VMP1: variants seen among roughly 807,000 people sequenced by gnomAD.
The protein encoded by VMP1 is ectopic P-granules autophagy protein 3 homolog.
VMP1 carries 11 observed loss-of-function variants against 56.0 expected under a neutral mutation model. That is an observed-to-expected ratio of 0.20 (90% CI 0.12 to 0.32). The LOEUF is 0.32. Ranked by LOEUF, VMP1 falls within the 10% of genes least tolerant of loss-of-function variation. The pLI is 1.00. For missense variants in VMP1, 296 were observed against 490.3 expected, an observed-to-expected ratio of 0.60 and a Z score of 3.74; for synonymous variants, 149 against 165.0, an observed-to-expected ratio of 0.90 and a Z score of 0.74.
At chr17:59,710,026 T>A (rs369682669) in intron 1 of VMP1, among the ~76,000 whole-genome samples, 3 of 151,972 alleles carry the variant, frequency 2.0e-5, no homozygotes, top group Non-Finnish European at 4.4e-5. Context: ...TGAAACCCTG[T>A]CTCTACTAAA....
At chr17:59,756,111 CT>C (rs1261925012) in intron 5 of VMP1, among the ~76,000 whole-genome samples, 1 of 152,160 alleles carries the variant, frequency 6.6e-6, no homozygotes, top group Non-Finnish European at 1.5e-5. Flanking sequence ...ACTGGTTAAA[CT>C]TGTCAGTGCC....
rs1292037 is a variant in VMP1 at position 59,841,547 on chromosome 17, T to C, written c.*1636T>C. 42,593 of 207,612 alleles carry C rather than the reference T, an allele frequency of 0.21. 5,544 individuals are homozygous for C. Among genetic ancestry groups the C allele is most frequent in the East Asian group, 0.44 (4,220 of 9,526 alleles). The allele number at this position is 207,612 out of a possible 1,614,324, so 12.9% of individuals were successfully genotyped here. A position where few individuals can be genotyped will look rare whatever the true frequency, so the allele number is the denominator to read the frequency against. On this transcript the variant is annotated 3_prime_UTR_variant, in exon 12 of 12. Transcript: ENST00000262291. ...ATAAATAAAGGAAAACTAAGCTGCA[T>C]TGTGGGTTTTGAAAAGGTTATTATA...
intron 7 of VMP1, among the ~76,000 whole-genome samples, chr17:59,807,114 A>G (rs1490875401): frequency 6.6e-6 from 1 of 151,514 alleles, no homozygotes; most frequent in Non-Finnish European, 1.5e-5. Context: ...AGAGAACTAT[A>G]TTTTTCAACT....
chr17:59,797,162 C>G lies in VMP1; in HGVS notation c.715-11634C>G, dbSNP rs564144250. ...GCCTGGCCAGCATGGTGAAACCCCC[C>G]CCCCGTCTCTACTAAAAATACAAAA... On this transcript the variant is annotated intron_variant, in intron 7 of 11. Transcript: ENST00000262291. Among the ~76,000 whole-genome samples the G allele has an allele frequency of 6.6e-5, 10 of 150,520 alleles. No individual in the cohort carries two copies. In the East Asian group the frequency reaches 7.9e-4, roughly 12 times the overall value.
intron 5 of VMP1, among the ~76,000 whole-genome samples, chr17:59,752,992 C>G (rs2035708624): frequency 6.6e-6 from 1 of 152,102 alleles, no homozygotes; most frequent in Non-Finnish European, 1.5e-5. Flanking sequence ...AAGCTTAGGC[C>G]AGGTGCAGTG....
At chr17:59,714,046 G>GAAA (rs771155795) in intron 1 of VMP1, among the ~76,000 whole-genome samples, 91 of 61,682 alleles carry the variant, frequency 1.5e-3, no homozygotes, top group East Asian at 1.8e-3. Context: ...GTCTTAAAAG[G>GAAA]AAAAAAAAAA....
intron 3 of VMP1, 46 bp downstream of exon 3, chr17:59,735,519 C>T (rs758309640): frequency 1.2e-5 from 19 of 1,597,320 alleles, no homozygotes; most frequent in Non-Finnish European, 1.5e-5. Context: ...CTCATTTACT[C>T]ATTTAAAAAA....
intron 7 of VMP1, among the ~76,000 whole-genome samples, chr17:59,792,882 T>A (rs35364360): frequency 0.56 from 46,807 of 83,690 alleles, 17,825 homozygotes; most frequent in East Asian, 0.87. Flanking sequence ...TAATAATTAT[T>A]ATTATTATTA....
chr17:59,834,617 G>A lies in VMP1; in HGVS notation c.975-3678G>A, dbSNP rs530131665. Reference sequence around the variant, plus strand: ...TGAGATTACAGACACCTGCCACCATGCCCAGCTAATTTTTTTTTTTTTTTT... The same window carrying A: ...TGAGATTACAGACACCTGCCACCATACCCAGCTAATTTTTTTTTTTTTTTT... On this transcript the variant is annotated intron_variant, in intron 10 of 11. Coordinates refer to ENST00000262291, the MANE Select transcript of VMP1 (RefSeq NM_030938.5). Among the ~76,000 whole-genome samples the A allele has an allele frequency of 3.0e-3, 405 of 133,160 alleles. 2 individuals are homozygous for A. The highest frequency in any genetic ancestry group is 0.011 in the African/African-American group (384 of 35,972). 87.4% of individuals were successfully genotyped at this position (133,160 alleles called of 152,430 possible).
chr17:59,822,574 C>T (rs1406947815), intron 10 of VMP1, among the ~76,000 whole-genome samples: 2 of 151,930 alleles, frequency 1.3e-5, no homozygotes, highest in African/African-American at 2.4e-5. Flanking sequence ...ATCCACCTGC[C>T]TCGGCCCACC....
chr17:59,744,103 TTAAATCA>T (rs2035329235), intron 5 of VMP1, among the ~76,000 whole-genome samples: 1 of 151,682 alleles, frequency 6.6e-6, no homozygotes, highest in Non-Finnish European at 1.5e-5. Flanking sequence ...TTTTTTTTTT[TTAAATCA>T]TGAATCTGTT....
intron 5 of VMP1, among the ~76,000 whole-genome samples, chr17:59,759,903 GTTTT>G (rs58618508): frequency 0.021 from 2,050 of 97,974 alleles, 43 homozygotes; most frequent in African/African-American, 0.058. Context: ...GTTTTTTGGT[GTTTT>G]TTTTTTTTTT....
At chr17:59,823,447 CAA>C (rs71145578) in intron 10 of VMP1, among the ~76,000 whole-genome samples, 201 of 122,178 alleles carry the variant, frequency 1.6e-3, no homozygotes, top group Middle Eastern at 5.2e-3. Flanking sequence ...AGATATGTCT[CAA>C]AAAAAAAAAA....
At position 59,785,201 on chromosome 17, in the gene VMP1, A is replaced by G. The variant is rs375729664; in HGVS notation, c.714+11316A>G. 4.6e-5 allele frequency among the ~76,000 whole-genome samples: 7 copies of G among 152,312 alleles called. 1 individual carries two copies. The highest frequency in any genetic ancestry group is 1.7e-4 in the African/African-American group (7 of 41,576). On this transcript the variant is annotated intron_variant, in intron 7 of 11. Transcript: ENST00000262291. ...GTGGTACATATTTACTTACAAGAAT[A>G]TGTTTTGAATAAGTTTACTTTCCTA...
chr17:59,781,437 T>A (rs1411508820), intron 7 of VMP1, among the ~76,000 whole-genome samples: 1 of 152,186 alleles, frequency 6.6e-6, no homozygotes, highest in Non-Finnish European at 1.5e-5. Flanking sequence ...ATACCATAAA[T>A]TTTAGTCACA....
At chr17:59,745,292 T>A (rs2035382899) in intron 5 of VMP1, among the ~76,000 whole-genome samples, 2 of 152,322 alleles carry the variant, frequency 1.3e-5, no homozygotes, top group Middle Eastern at 6.8e-3. Context: ...TCTGTGAGCA[T>A]CACTTTAAAT....
At chr17:59,827,599 G>A (rs949045444) in intron 10 of VMP1, among the ~76,000 whole-genome samples, 3 of 152,072 alleles carry the variant, frequency 2.0e-5, no homozygotes, top group African/African-American at 7.2e-5. Flanking sequence ...ATGAGCCGCT[G>A]TGCTGGCCTG....
intron 5 of VMP1, among the ~76,000 whole-genome samples, chr17:59,757,261 A>C (rs943942449): frequency 4.0e-5 from 6 of 151,886 alleles, no homozygotes; most frequent in Admixed American, 2.6e-4. Flanking sequence ...AGATAGATAG[A>C]TAGATAGATA....
At chr17:59,793,929 T>C (rs115607464) in intron 7 of VMP1, among the ~76,000 whole-genome samples, 80 of 150,476 alleles carry the variant, frequency 5.3e-4, no homozygotes, top group African/African-American at 1.9e-3. Context: ...TTGCCCTTTT[T>C]TTGTTTTTCA....
Sources: gnomAD v4.1 joint callset for allele counts (sites outside exome capture counted in the v4.1 genomes callset) on GRCh38, gnomAD v4.1.1 for gene constraint, MANE v1.5 for transcripts, NCBI Gene and HGNC (gene_info 2026-07-23, HGNC 2026-07-21) for gene names.